CTNNA2: variants seen among roughly 807,000 people sequenced by gnomAD.
CTNNA2 encodes catenin alpha 2.
Under a neutral mutation model 101.0 loss-of-function variants are expected in CTNNA2, and 42 were observed. The ratio of observed to expected loss-of-function variants is 0.42; its 90% CI spans 0.32 to 0.54. CTNNA2 has a LOEUF of 0.54. CTNNA2 is among the 20% of genes least tolerant of loss of function. The pLI is 0.14. For synonymous variants in CTNNA2, 450 were observed against 456.4 expected, an observed-to-expected ratio of 0.99 and a Z score of 0.18; for missense variants, 871 against 1,223.1, an observed-to-expected ratio of 0.71 and a Z score of 4.29.
chr2:80,621,205 AAG>A (rs1195732738), intron 18 of CTNNA2, among the ~76,000 whole-genome samples: 5 of 151,868 alleles, frequency 3.3e-5, no homozygotes, highest in African/African-American at 4.8e-5. Context: ...GATGATCAAA[AAG>A]AGATATTCTA....
At chr2:79,713,414 C>G (rs1685871452) in intron 2 of CTNNA2, among the ~76,000 whole-genome samples, 1 of 152,142 alleles carries the variant, frequency 6.6e-6, no homozygotes, top group Non-Finnish European at 1.5e-5. Flanking sequence ...CCACTGCACT[C>G]CAGCCTGGGT....
In CTNNA2 at chr2:79,577,899, A is replaced by G. The variant is rs75122358; in HGVS notation, c.-6+64692A>G. On this transcript the variant is annotated intron_variant, in intron 1 of 18. Coordinates refer to ENST00000402739, the MANE Select transcript of CTNNA2 (RefSeq NM_001282597.3). ...GTTGATTATGTGTCCTTTTAATCCA[A>G]TACCTTTACTGAAAATAATAACTTT... Among the ~76,000 whole-genome samples, 1,097 of 152,302 alleles carry G rather than the reference A, an allele frequency of 7.2e-3. 60 individuals are homozygous for G. The East Asian group carries it at 0.12, about 17-fold the overall frequency.
At chr2:79,400,929 T>C (rs1394800450) in intron 4 of CTNNA2, among the ~76,000 whole-genome samples, 1 of 151,896 alleles carries the variant, frequency 6.6e-6, no homozygotes, top group African/African-American at 2.4e-5. Flanking sequence ...CAGTACTCAG[T>C]GAGATTAACA....
intron 7 of CTNNA2, among the ~76,000 whole-genome samples, chr2:80,094,084 C>T (rs925673946): frequency 1.3e-5 from 2 of 152,220 alleles, no homozygotes; most frequent in African/African-American, 4.8e-5. Flanking sequence ...CTTGCCCATG[C>T]CTATGTTCTG....
At chr2:80,192,523 C>CT (rs965748573) in intron 7 of CTNNA2, among the ~76,000 whole-genome samples, 10 of 151,230 alleles carry the variant, frequency 6.6e-5, no homozygotes, top group African/African-American at 2.2e-4. Context: ...TAAAACTTTT[C>CT]TTTTTTTTTC....
chr2:79,860,089 T>G (rs546562180), intron 4 of CTNNA2, among the ~76,000 whole-genome samples: 4 of 152,296 alleles, frequency 2.6e-5, no homozygotes, highest in Admixed American at 1.3e-4. Flanking sequence ...ATATCCATCT[T>G]TTCAGTTACA....
chr2:79,455,233 G>A (rs1670806503), intron 4 of CTNNA2, among the ~76,000 whole-genome samples: 1 of 152,118 alleles, frequency 6.6e-6, no homozygotes, highest in South Asian at 2.1e-4. Context: ...AGTCAAAATC[G>A]AGAACACAGG....
chr2:80,259,144 CTT>C (rs1182980906), intron 7 of CTNNA2, among the ~76,000 whole-genome samples: 2 of 152,106 alleles, frequency 1.3e-5, no homozygotes, highest in African/African-American at 4.8e-5. Context: ...AACACTGACT[CTT>C]GATTTTGCGG....
At chr2:79,994,415 A>G (rs1045258016) in intron 7 of CTNNA2, among the ~76,000 whole-genome samples, 1 of 152,254 alleles carries the variant, frequency 6.6e-6, no homozygotes, top group East Asian at 1.9e-4. Flanking sequence ...CCCCCAGCTC[A>G]TAGACATTCT....
intron 6 of CTNNA2, among the ~76,000 whole-genome samples, chr2:79,908,243 A>T (rs1388846474): frequency 6.6e-6 from 1 of 152,148 alleles, no homozygotes; most frequent in East Asian, 1.9e-4. Flanking sequence ...ATAACTACCT[A>T]TTCTCATTTA....
intron 9 of CTNNA2, among the ~76,000 whole-genome samples, chr2:80,486,359 C>G (rs1971117): frequency 0.34 from 52,370 of 151,966 alleles, 9,380 homozygotes; most frequent in East Asian, 0.62. Flanking sequence ...TTTTGTTTCA[C>G]TATTCACAAA....
chr2:79,894,894 G>C (rs1205595769), intron 6 of CTNNA2, among the ~76,000 whole-genome samples: 1 of 152,294 alleles, frequency 6.6e-6, no homozygotes, highest in East Asian at 1.9e-4. Context: ...TTGAATGGCT[G>C]CTTAAATGAA....
At chr2:80,157,512 T>C (rs1258964168) in intron 7 of CTNNA2, among the ~76,000 whole-genome samples, 4 of 152,118 alleles carry the variant, frequency 2.6e-5, no homozygotes, top group African/African-American at 9.7e-5. Flanking sequence ...TCAGATCTGA[T>C]CATCAGTTGA....
At chr2:80,504,227 T>C (rs1412347798) in intron 9 of CTNNA2, among the ~76,000 whole-genome samples, 5 of 152,150 alleles carry the variant, frequency 3.3e-5, no homozygotes, top group African/African-American at 1.2e-4. Context: ...GAATGGATAT[T>C]TTCACTTTCT....
At chr2:80,579,332 A>G (rs976448793) in intron 13 of CTNNA2, 2 of 152,212 alleles carry the variant, frequency 1.3e-5, no homozygotes, top group African/African-American at 2.4e-5. Flanking sequence ...GCACAGTACT[A>G]TAAGAACTGT....
At chr2:80,354,252 T>G (rs1673573026) in intron 7 of CTNNA2, among the ~76,000 whole-genome samples, 1 of 152,080 alleles carries the variant, frequency 6.6e-6, no homozygotes, top group South Asian at 2.1e-4. Context: ...TATCAGGGGA[T>G]GGAATTCTAG....
chr2:79,299,876 G>A (rs1676068232), intron 2 of CTNNA2, among the ~76,000 whole-genome samples: 1 of 152,194 alleles, frequency 6.6e-6, no homozygotes, highest in African/African-American at 2.4e-5. Flanking sequence ...AGAAACAGAT[G>A]TAGGTGAAAA....
chr2:80,516,824 G>A (rs922063111), intron 9 of CTNNA2, among the ~76,000 whole-genome samples: 1 of 152,138 alleles, frequency 6.6e-6, no homozygotes, highest in Non-Finnish European at 1.5e-5. Context: ...TTCTAACAAC[G>A]GTAAATTAAT....
intron 2 of CTNNA2, among the ~76,000 whole-genome samples, chr2:79,722,616 C>G (rs1686561888): frequency 6.6e-6 from 1 of 152,134 alleles, no homozygotes; most frequent in African/African-American, 2.4e-5. Flanking sequence ...TCACAGTACA[C>G]TTTTTCCTTT....
Sources: allele counts gnomAD v4.1 joint callset (sites outside exome capture counted in the v4.1 genomes callset), GRCh38; gene constraint gnomAD v4.1.1; transcripts MANE v1.5; gene names NCBI Gene and HGNC (gene_info 2026-07-23, HGNC 2026-07-21).